PRKD1: variants seen among roughly 807,000 people sequenced by gnomAD.
PRKD1 encodes the protein serine/threonine-protein kinase D1.
PRKD1 carries 63 observed loss-of-function variants against 95.9 expected under a neutral mutation model. The observed-to-expected ratio is 0.66, with a 90% CI of 0.54 to 0.81. The LOEUF is 0.81. Ranked by LOEUF, PRKD1 falls within the 30% of genes least tolerant of loss-of-function variation. The pLI, the probability that PRKD1 is intolerant of heterozygous loss-of-function variation, is 0.00. For synonymous variants in PRKD1, 425 were observed against 423.1 expected, an observed-to-expected ratio of 1.00 and a Z score of -0.05; for missense variants, 1,048 against 1,165.3, an observed-to-expected ratio of 0.90 and a Z score of 1.47.
intron 16 of PRKD1, among the ~76,000 whole-genome samples, chr14:29,585,954 G>A (rs1228289617): frequency 6.6e-6 from 1 of 152,218 alleles, no homozygotes; most frequent in African/African-American, 2.4e-5. Flanking sequence ...GTGCTAAGTA[G>A]TGCTTCTCTT....
At chr14:29,736,704 T>C (rs1886730647) in intron 1 of PRKD1, among the ~76,000 whole-genome samples, 2 of 152,232 alleles carry the variant, frequency 1.3e-5, no homozygotes, top group Admixed American at 1.3e-4. Flanking sequence ...ATCCAGGCAC[T>C]GGTCCTAAGC....
intron 13 of PRKD1, among the ~76,000 whole-genome samples, chr14:29,615,524 A>C (rs764332541): frequency 1.3e-5 from 2 of 152,168 alleles, no homozygotes; most frequent in African/African-American, 4.8e-5. Flanking sequence ...TTCTCTGGCT[A>C]TGAAAAGCTT....
At chr14:29,904,932 G>C (rs45577337) in intron 1 of PRKD1, among the ~76,000 whole-genome samples, 4,009 of 152,232 alleles carry the variant, frequency 0.026, 155 homozygotes, top group African/African-American at 0.088. Context: ...TGGACAAAAA[G>C]CCAATAAATC....
At chr14:29,843,957 T>C (rs1891975482) in intron 1 of PRKD1, among the ~76,000 whole-genome samples, 2 of 152,146 alleles carry the variant, frequency 1.3e-5, no homozygotes, top group Non-Finnish European at 2.9e-5. Context: ...AGTATTGTAG[T>C]AAAAAATGTA....
intron 16 of PRKD1, among the ~76,000 whole-genome samples, chr14:29,588,187 T>G (rs1365363697): frequency 6.6e-6 from 1 of 152,224 alleles, no homozygotes; most frequent in Non-Finnish European, 1.5e-5. Context: ...TACCCGAGGC[T>G]TATTTTCAAT....
chr14:29,824,804 T>A (rs935921419), intron 1 of PRKD1, among the ~76,000 whole-genome samples: 2 of 152,164 alleles, frequency 1.3e-5, no homozygotes, highest in African/African-American at 4.8e-5. Context: ...AATCTCTAGG[T>A]ATATCCTTGA....
chr14:29,750,222 C>A (rs561496420), intron 1 of PRKD1, among the ~76,000 whole-genome samples: 1 of 152,218 alleles, frequency 6.6e-6, no homozygotes, highest in South Asian at 2.1e-4. Flanking sequence ...CTAAGTCTGC[C>A]AGAGCTCCAA....
rs779548388 is a variant in PRKD1, at chr14:29,631,000, A to G, written c.1414T>C (p.Leu472=). 5.6e-6 allele frequency: 9 copies of G among 1,609,288 alleles called. No individual in the cohort carries two copies. The South Asian group carries it at 6.6e-5, about 12-fold the overall frequency. Residue 472 remains leucine, a synonymous_variant, in exon 10 of 18, where the codon TTG becomes CTG. Coordinates refer to ENST00000331968, the MANE Select transcript of PRKD1 (RefSeq NM_002742.3). ...YYKEIPLSEI[L]SLEPVKTSAL... The stretch of plus-strand genomic sequence containing the variant: ...GAAGTTTTTACTGGTTCCAGAGACA[A>G]AATTTCAGATAAAGGAATTTCCTGT...
intron 2 of PRKD1, among the ~76,000 whole-genome samples, chr14:29,720,871 C>T (rs1885859701): frequency 6.6e-6 from 1 of 152,132 alleles, no homozygotes; most frequent in African/African-American, 2.4e-5. Flanking sequence ...AATGATACTA[C>T]CTTCCTGAGA....
At chr14:29,615,664 C>T (rs1486259405) in intron 13 of PRKD1, among the ~76,000 whole-genome samples, 1 of 152,212 alleles carries the variant, frequency 6.6e-6, no homozygotes, top group Admixed American at 6.5e-5. Context: ...CTTCTAACTA[C>T]TTGTATCTGA....
chr14:29,756,397 T>C (rs748746443), intron 1 of PRKD1, among the ~76,000 whole-genome samples: 1 of 152,204 alleles, frequency 6.6e-6, no homozygotes, highest in Non-Finnish European at 1.5e-5. Context: ...ATTCAAAAAT[T>C]TGAGGTATTT....
intron 10 of PRKD1, among the ~76,000 whole-genome samples, chr14:29,630,010 CCTTCTT>C (rs368732360): frequency 5.4e-5 from 7 of 128,534 alleles, no homozygotes; most frequent in African/African-American, 2.4e-4. Flanking sequence ...TTCTCCTTCT[CCTTCTT>C]CTTCTGCTTC....
chr14:29,590,325 T>C (rs950212868), intron 16 of PRKD1, among the ~76,000 whole-genome samples: 1 of 152,174 alleles, frequency 6.6e-6, no homozygotes, highest in African/African-American at 2.4e-5. Flanking sequence ...CTGGCCACCT[T>C]TGTAATTTAG....
intron 2 of PRKD1, among the ~76,000 whole-genome samples, chr14:29,700,637 T>A (rs559871131): frequency 6.6e-6 from 1 of 152,328 alleles, no homozygotes; most frequent in African/African-American, 2.4e-5. Context: ...GCTCCAGATA[T>A]CTGGTCAAAC....
chr14:29,924,815 C>T (rs1213511114), intron 1 of PRKD1, among the ~76,000 whole-genome samples: 1 of 152,160 alleles, frequency 6.6e-6, no homozygotes, highest in African/African-American at 2.4e-5. Flanking sequence ...CTTAACTCCA[C>T]ACTGACACTC....
intron 1 of PRKD1, among the ~76,000 whole-genome samples, chr14:29,781,742 A>G (rs1488281789): frequency 1.3e-5 from 2 of 152,240 alleles, no homozygotes; most frequent in East Asian, 3.8e-4. Flanking sequence ...ATATTCAGAG[A>G]TTCTACTTCA....
intron 1 of PRKD1, among the ~76,000 whole-genome samples, chr14:29,923,132 G>A (rs1303221599): frequency 1.3e-5 from 2 of 151,146 alleles, no homozygotes; most frequent in African/African-American, 2.4e-5. Context: ...TCAAGGGGCT[G>A]AGGTGAGAGG....
chr14:29,826,688 C>CATATATATAT lies in PRKD1; in HGVS notation c.264+100560_264+100561insATATATATAT, dbSNP rs1405082076. On this transcript the variant is annotated intron_variant, in intron 1 of 17. Coordinates refer to ENST00000331968, the MANE Select transcript of PRKD1 (RefSeq NM_002742.3). ...GTATATATGTGTATATATATATACA[C>CATATATATAT]ACATATATATACATATATACACATA... 1.3e-3 allele frequency among the ~76,000 whole-genome samples: 53 copies of CATATATATAT among 41,256 alleles called. 1 individual carries two copies. Among genetic ancestry groups the CATATATATAT allele is most frequent in the African/African-American group, 2.7e-3 (35 of 12,920 alleles). 27.1% of individuals were successfully genotyped at this position (41,256 alleles called of 152,430 possible). A position where few individuals can be genotyped will look rare whatever the true frequency, so the allele number is the denominator to read the frequency against.
At chr14:29,921,396 GATA>G (rs1895101055) in intron 1 of PRKD1, among the ~76,000 whole-genome samples, 2 of 151,412 alleles carry the variant, frequency 1.3e-5, no homozygotes, top group South Asian at 2.1e-4. Context: ...ATAAGAATAA[GATA>G]ATAAATATAA....
Sources: allele counts gnomAD v4.1 joint callset (sites outside exome capture counted in the v4.1 genomes callset), GRCh38; gene constraint gnomAD v4.1.1; transcripts MANE v1.5; gene names NCBI Gene and HGNC (gene_info 2026-07-23, HGNC 2026-07-21).